The following ZCCHC17 variants were observed in gnomAD, a reference collection of about 807,000 sequenced individuals.
ZCCHC17 encodes the protein zinc finger CCHC-type containing 17.
Under a neutral mutation model 30.6 loss-of-function variants are expected in ZCCHC17, and 18 were observed. That is an observed-to-expected ratio of 0.59 (90% CI 0.41 to 0.87). ZCCHC17 has a LOEUF of 0.87. Ranked by LOEUF, ZCCHC17 falls within the 40% of genes least tolerant of loss-of-function variation. The pLI is 0.00. For synonymous variants in ZCCHC17, 88 were observed against 92.4 expected (o/e 0.95, Z 0.27); for missense variants, 263 against 284.2 (o/e 0.93, Z 0.54).
chr1:31,315,683 C>G (rs1318256475), intron 2 of ZCCHC17, among the ~76,000 whole-genome samples: 3 of 152,170 alleles, frequency 2.0e-5, no homozygotes, highest in African/African-American at 7.2e-5. Context: ...ATGGTGACAA[C>G]AAGTTTCAAG....
chr1:31,309,992 A>T lies in ZCCHC17; in HGVS notation c.-55-52A>T, dbSNP rs1646559168. ...ATAGCTGTGGATTGTCTGCATATTC[A>T]TTTCTTTAATGCAGATATCTCTCTA... is the stretch of plus-strand genomic sequence containing the variant. On this transcript the variant is annotated intron_variant, in intron 1 of 7. Transcript: ENST00000344147. 2.9e-6 allele frequency: 3 copies of T among 1,037,086 alleles called. No homozygotes were observed. The Admixed American group carries it at 6.0e-5, about 21-fold the overall frequency. The allele number at this position is 1,037,086 out of a possible 1,614,324, so 64.2% of individuals were successfully genotyped here. A position where few individuals can be genotyped will look rare whatever the true frequency, so the allele number is the denominator to read the frequency against.
intron 1 of ZCCHC17, among the ~76,000 whole-genome samples, chr1:31,306,733 T>C (rs2148409654): frequency 6.6e-6 from 1 of 152,282 alleles, no homozygotes; most frequent in South Asian, 2.1e-4. Context: ...ATTGGCATGA[T>C]CGTACCTCAC....
At chr1:31,298,382 T>G (rs912017215) in intron 1 of ZCCHC17, among the ~76,000 whole-genome samples, 4 of 147,958 alleles carry the variant, frequency 2.7e-5, no homozygotes, top group South Asian at 2.1e-4. Flanking sequence ...GACCAGTTTT[T>G]TTTTGTTTTT....
chr1:31,349,845 A>G (rs577897059), intron 7 of ZCCHC17, among the ~76,000 whole-genome samples: 2 of 152,272 alleles, frequency 1.3e-5, no homozygotes, highest in East Asian at 3.9e-4. Context: ...TTATTTTTGT[A>G]TTACTGGATA....
intron 7 of ZCCHC17, among the ~76,000 whole-genome samples, chr1:31,356,922 T>G (rs1289948006): frequency 6.6e-6 from 1 of 152,196 alleles, no homozygotes; most frequent in East Asian, 1.9e-4. Flanking sequence ...AAAATAGGAA[T>G]GGAGGTTTTG....
intron 7 of ZCCHC17, among the ~76,000 whole-genome samples, chr1:31,349,912 A>G (rs1197513278): frequency 6.6e-6 from 1 of 152,188 alleles, no homozygotes; most frequent in Non-Finnish European, 1.5e-5. Flanking sequence ...TTTCTTGGAT[A>G]AATTCCTAAG....
chr1:31,326,291 TAAA>T (rs200802475), intron 3 of ZCCHC17, among the ~76,000 whole-genome samples: 1 of 150,096 alleles, frequency 6.7e-6, no homozygotes, highest in East Asian at 2.0e-4. Flanking sequence ...TTTTTTCTGT[TAAA>T]AAAAAAATCC....
chr1:31,298,260 T>G (rs1227100499), intron 1 of ZCCHC17, among the ~76,000 whole-genome samples: 1 of 151,976 alleles, frequency 6.6e-6, no homozygotes, highest in African/African-American at 2.4e-5. Context: ...AAGAGAGGAA[T>G]CAAAGGTAAC....
In ZCCHC17 at chr1:31,337,194, T is replaced by G; in HGVS notation, c.144T>G (p.His48Gln). ...CRKQGLVHRT[H>Q]MSSCRVDKPS... is the part of the protein sequence containing the mutation. Reference sequence around the variant, plus strand: ...GCCCAGGTCTGGTCCATCGAACTCATATGTCATCCTGTCGGGTGGATAAGC... The same window carrying G: ...GCCCAGGTCTGGTCCATCGAACTCAGATGTCATCCTGTCGGGTGGATAAGC... Residue 48 changes from histidine (H) to glutamine (Q), a missense_variant, in exon 4 of 8, where the codon CAT (histidine) becomes CAG (glutamine). Coordinates refer to ENST00000344147, the MANE Select transcript of ZCCHC17 (RefSeq NM_016505.4). 6.2e-7 allele frequency: 1 copy of G among 1,614,056 alleles called. No individual in the cohort carries two copies. The highest frequency in any genetic ancestry group is 1.1e-5 in the South Asian group (1 of 91,082).
intron 5 of ZCCHC17, among the ~76,000 whole-genome samples, chr1:31,343,891 T>C (rs1406331869): frequency 6.8e-6 from 1 of 147,268 alleles, no homozygotes; most frequent in East Asian, 2.0e-4. Context: ...GTTTCACTCT[T>C]GTTGCCCAGG....
intron 5 of ZCCHC17, among the ~76,000 whole-genome samples, chr1:31,341,040 G>C (rs1242452826): frequency 6.6e-6 from 1 of 152,118 alleles, no homozygotes; most frequent in Non-Finnish European, 1.5e-5. Context: ...TTGGTGCCTG[G>C]TGATAAGTAA....
rs912433577 is a variant in ZCCHC17 at position 31,344,756 on chromosome 1, C to A, written c.318-1884C>A. On this transcript the variant is annotated intron_variant, in intron 5 of 7. Coordinates refer to ENST00000344147, the MANE Select transcript of ZCCHC17 (RefSeq NM_016505.4). ...GGTTGCTTAAGCTGCAACTCACAGC[C>A]ACTTGAAACTCATCTCTACAAATAG... Among the ~76,000 whole-genome samples, 3 of 152,310 alleles carry A rather than the reference C, an allele frequency of 2.0e-5. No homozygotes were observed. The South Asian group carries it at 6.2e-4, about 32-fold the overall frequency.
rs569488347 is a variant in ZCCHC17 at position 31,363,435 on chromosome 1, G to A, written c.565-597G>A. ...CCTGACCTCGTGATCCACCTGCCTCGGCCTCCCAAAGTGCTGGGATTACAG... is the reference window on the plus strand; with the variant it reads ...CCTGACCTCGTGATCCACCTGCCTCAGCCTCCCAAAGTGCTGGGATTACAG... On this transcript the variant is annotated intron_variant, in intron 7 of 7. Transcript: ENST00000344147. Among the ~76,000 whole-genome samples the A allele has an allele frequency of 2.6e-5, 4 of 152,162 alleles. No individual in the cohort carries two copies. In the East Asian group the frequency reaches 5.8e-4, roughly 22 times the overall value.
chr1:31,334,740 A>G (rs1638747111), intron 3 of ZCCHC17, among the ~76,000 whole-genome samples: 1 of 152,180 alleles, frequency 6.6e-6, no homozygotes. Flanking sequence ...TAGGCACTCA[A>G]TAACTATTTA....
Position 31,304,831 on chromosome 1 carries a change from G to A in ZCCHC17, c.-55-5213G>A, listed in dbSNP as rs1230246877. 3.9e-5 allele frequency among the ~76,000 whole-genome samples: 6 copies of A among 152,178 alleles called. No homozygotes were observed. In the East Asian group the frequency reaches 7.7e-4, roughly 20 times the overall value. ...AGGATGGTCTTGATCTCCTGACCTC[G>A]TGATCCACCTGCCTCAGCCTCCCAA... On this transcript the variant is annotated intron_variant, in intron 1 of 7. Transcript: ENST00000344147.
At chr1:31,346,934 G>A in intron 6 of ZCCHC17, 194 bp downstream of exon 6, 2 of 1,260,446 alleles carry the variant, frequency 1.6e-6, no homozygotes, top group South Asian at 1.5e-5. Flanking sequence ...CTGAGTGCTG[G>A]CCCTACCAGA....
intron 3 of ZCCHC17, among the ~76,000 whole-genome samples, chr1:31,335,150 A>T (rs934905078): frequency 1.1e-4 from 16 of 152,190 alleles, no homozygotes; most frequent in African/African-American, 3.6e-4. Context: ...TGCTCAGTTT[A>T]TACTCCCAGG....
chr1:31,346,958 C>A, intron 6 of ZCCHC17: 1 of 995,742 alleles, frequency 1.0e-6, no homozygotes, highest in Non-Finnish European at 1.4e-6. Context: ...TATACCACTA[C>A]CACCACTCCT....
intron 1 of ZCCHC17, among the ~76,000 whole-genome samples, chr1:31,302,357 A>G (rs1646336499): frequency 6.6e-6 from 1 of 152,026 alleles, no homozygotes; most frequent in Admixed American, 6.6e-5. Flanking sequence ...TGTGCTTGGC[A>G]TATAGTGAGG....
Sources: gnomAD v4.1 joint callset for allele counts (sites outside exome capture counted in the v4.1 genomes callset) on GRCh38, gnomAD v4.1.1 for gene constraint, MANE v1.5 for transcripts, NCBI Gene and HGNC (gene_info 2026-07-23, HGNC 2026-07-21) for gene names.